TTL: variants seen among roughly 807,000 people sequenced by gnomAD.
The protein encoded by TTL is tubulin tyrosine ligase.
In TTL, 10 loss-of-function variants were observed where a neutral mutation model predicts 41.1. That is an observed-to-expected ratio of 0.24 (90% confidence interval 0.15 to 0.41). The LOEUF (loss-of-function observed/expected upper bound fraction) is 0.41, where lower values mean the gene tolerates loss of function less well. TTL is among the 10% of genes least tolerant of loss of function. The pLI is 1.00. For synonymous variants in TTL, 175 were observed against 175.5 expected (o/e 1.00, Z 0.02); for missense variants, 367 against 460.4 (o/e 0.80, Z 1.86).
intron 2 of TTL, among the ~76,000 whole-genome samples, chr2:112,490,001 T>A (rs983395218): frequency 2.6e-5 from 4 of 152,258 alleles, no homozygotes; most frequent in Non-Finnish European, 2.9e-5. Flanking sequence ...CAGTGAATAC[T>A]GGCAGAGAAC....
chr2:112,491,573 C>T (rs758287024), intron 2 of TTL, among the ~76,000 whole-genome samples: 13 of 152,226 alleles, frequency 8.5e-5, no homozygotes, highest in Non-Finnish European at 1.5e-4. Flanking sequence ...TTTAAAACTA[C>T]ATTTGCATCT....
intron 2 of TTL, among the ~76,000 whole-genome samples, chr2:112,487,261 T>G (rs565965140): frequency 6.6e-6 from 1 of 152,176 alleles, no homozygotes; most frequent in South Asian, 2.1e-4. Context: ...GTAACTTATG[T>G]ACCCACTCCT....
Position 112,482,650 on chromosome 2 carries a change from T to C in TTL, c.157+149T>C. On this transcript the variant is annotated intron_variant, in intron 1 of 6. Coordinates refer to ENST00000233336, the MANE Select transcript of TTL (RefSeq NM_153712.5). This position sits in a 1 kb window ranked among gnomAD's most constrained non-coding sequence, Gnocchi z 5.3. ...CACATCAGAAACGGATTCGGAAAGA[T>C]CGAAACCTGTCGTTTTTAATGCTTT... is the stretch of plus-strand genomic sequence containing the variant. The C allele has an allele frequency of 2.2e-6, 2 of 902,988 alleles. No homozygotes were observed. Among genetic ancestry groups the C allele is most frequent in the South Asian group, 2.1e-5 (1 of 48,770 alleles). 55.9% of individuals were successfully genotyped at this position (902,988 alleles called of 1,614,324 possible). A position where few individuals can be genotyped will look rare whatever the true frequency, so the allele number is the denominator to read the frequency against.
chr2:112,487,454 A>G (rs1055469848), intron 2 of TTL, among the ~76,000 whole-genome samples: 1 of 152,248 alleles, frequency 6.6e-6, no homozygotes, highest in African/African-American at 2.4e-5. Flanking sequence ...AATATTTATT[A>G]AACCTCTTCT....
At chr2:112,492,482 G>A (rs6742382) in intron 2 of TTL, among the ~76,000 whole-genome samples, 1 of 152,100 alleles carries the variant, frequency 6.6e-6, no homozygotes, top group African/African-American at 2.4e-5. Flanking sequence ...TGTAATCCCA[G>A]CACTTTGGGA....
intron 6 of TTL, among the ~76,000 whole-genome samples, chr2:112,527,344 C>CTGA (rs1345717668): frequency 1.3e-5 from 2 of 152,140 alleles, no homozygotes; most frequent in Non-Finnish European, 2.9e-5. Flanking sequence ...TGGTGCAGAG[C>CTGA]TGAGTTCAAT....
Position 112,482,186 on chromosome 2 carries a change from GGGCGCGGCGCCGCCGGCACCCGAGA to G in TTL, c.-151_-127del, listed in dbSNP as rs1414470485. On this transcript the variant is annotated 5_prime_UTR_variant, in exon 1 of 7. Transcript: ENST00000233336. This position sits in a 1 kb window ranked among gnomAD's most constrained non-coding sequence, Gnocchi z 5.3. ...CCTCTCCGGCACCCGGCGGGCGCCC[GGGCGCGGCGCCGCCGGCACCCGAGA>G]GGCGCGGTAGCCGGCGCGGGCGGCG... 4 of 234,836 alleles carry G rather than the reference GGGCGCGGCGCCGCCGGCACCCGAGA, an allele frequency of 1.7e-5. No individual in the cohort carries two copies. Among genetic ancestry groups the G allele is most frequent in the African/African-American group, 2.4e-5 (1 of 41,964 alleles). The allele number at this position is 234,836 out of a possible 1,614,324, so 14.5% of individuals were successfully genotyped here.
rs1331133850 is a variant in TTL, at chr2:112,520,274, C to T, written c.876-8C>T. ...GTTCTAATGAGCATTTCCCCTCCTG[C>T]CTCATAGGAACTGCCTCCTGAGCGT... On this transcript the variant is annotated splice_region_variant and splice_polypyrimidine_tract_variant and intron_variant, in intron 5 of 6. Coordinates refer to ENST00000233336, the MANE Select transcript of TTL (RefSeq NM_153712.5). 4.3e-6 allele frequency: 7 copies of T among 1,613,822 alleles called. No homozygotes were observed. In the South Asian group the frequency reaches 7.7e-5, roughly 18 times the overall value.
chr2:112,529,108 G>A lies in TTL; in HGVS notation c.*313G>A. The A allele has an allele frequency of 4.5e-6, 2 of 440,992 alleles. No individual in the cohort carries two copies. Among genetic ancestry groups the A allele is most frequent in the Non-Finnish European group, 8.4e-6 (2 of 239,002 alleles). The allele number at this position is 440,992 out of a possible 1,614,324, so 27.3% of individuals were successfully genotyped here. A position where few individuals can be genotyped will look rare whatever the true frequency, so the allele number is the denominator to read the frequency against. On this transcript the variant is annotated 3_prime_UTR_variant, in exon 7 of 7. Transcript: ENST00000233336. ...CAGGGCACTGGGACCTCTGGTCGGT[G>A]CCTCCCACCCACTGCAGCCCTAGTG... is the stretch of plus-strand genomic sequence containing the variant.
chr2:112,498,585 T>G (rs1401697728), intron 3 of TTL, among the ~76,000 whole-genome samples: 1 of 152,136 alleles, frequency 6.6e-6, no homozygotes, highest in Non-Finnish European at 1.5e-5. Flanking sequence ...AACATTTTTG[T>G]ATAGACATGG....
intron 6 of TTL, among the ~76,000 whole-genome samples, chr2:112,521,787 T>C (rs1442906807): frequency 1.3e-5 from 2 of 152,150 alleles, no homozygotes; most frequent in Non-Finnish European, 2.9e-5. Flanking sequence ...CAGATGTCAA[T>C]TACAAGCGAG....
intron 3 of TTL, among the ~76,000 whole-genome samples, chr2:112,494,871 A>C (rs1574057418): frequency 6.6e-6 from 1 of 150,988 alleles, no homozygotes; most frequent in Non-Finnish European, 1.5e-5. Flanking sequence ...CTAAATCAAA[A>C]CCCCCATTCT....
rs776570642 is a variant in TTL at position 112,533,084 on chromosome 2, A to C, written c.*4289A>C. The C allele has an allele frequency of 2.0e-5, 3 of 152,264 alleles. No homozygotes were observed. Among genetic ancestry groups the C allele is most frequent in the Non-Finnish European group, 2.9e-5 (2 of 68,052 alleles). 9.4% of individuals were successfully genotyped at this position (152,264 alleles called of 1,614,324 possible). ...TTAACTTGTAACTTCTTGTGCAATA[A>C]GGCTGAATGCTTTGGACATCTTTCC... On this transcript the variant is annotated 3_prime_UTR_variant, in exon 7 of 7. Coordinates refer to ENST00000233336, the MANE Select transcript of TTL (RefSeq NM_153712.5).
intron 5 of TTL, among the ~76,000 whole-genome samples, chr2:112,519,070 G>A (rs1046994272): frequency 1.3e-5 from 2 of 151,998 alleles, no homozygotes; most frequent in Non-Finnish European, 2.9e-5. Context: ...TATTTACTGA[G>A]AGAAATATTT....
Position 112,531,760 on chromosome 2 carries a change from G to C in TTL, c.*2965G>C, listed in dbSNP as rs1156366301. On this transcript the variant is annotated 3_prime_UTR_variant, in exon 7 of 7. Coordinates refer to ENST00000233336, the MANE Select transcript of TTL (RefSeq NM_153712.5). ...CCGGATGTTGCCGTATGTATTTATG[G>C]CACAAGCAGGTGTTGTCTAAGCAGT... 1 of 223,524 alleles carries C rather than the reference G, an allele frequency of 4.5e-6. No homozygotes were observed. The highest frequency in any genetic ancestry group is 6.5e-5 in the East Asian group (1 of 15,284). 13.8% of individuals were successfully genotyped at this position (223,524 alleles called of 1,614,324 possible). A position where few individuals can be genotyped will look rare whatever the true frequency, so the allele number is the denominator to read the frequency against.
intron 6 of TTL, 22 bp from the exon 7 acceptor site, chr2:112,528,659 T>C: frequency 6.3e-7 from 1 of 1,589,118 alleles, no homozygotes; most frequent in South Asian, 1.1e-5. Context: ...TCCTCAATGA[T>C]ATTTTTAAAA....
chr2:112,520,191 C>A, intron 5 of TTL, 91 bp from the exon 6 acceptor site: 10 of 1,239,082 alleles, frequency 8.1e-6, no homozygotes, highest in Non-Finnish European at 8.0e-6. Context: ...TATTTGTATT[C>A]ATCTCATATA....
chr2:112,501,281 T>C lies in TTL; in HGVS notation c.545T>C (p.Ile182Thr). Residue 182 changes from isoleucine to threonine, a missense_variant, in exon 4 of 7, where the codon ATC (isoleucine) becomes ACC (threonine). Ile to Thr is a moderately conservative substitution (Grantham distance 89). Transcript: ENST00000233336. ...FIDNQGQVHV[I>T]QKYLEHPLLL... ...GACAACCAGGGCCAAGTGCACGTGA[T>C]CCAGAAATATCTTGAGCACCCTCTG... The C allele has an allele frequency of 6.2e-7, 1 of 1,613,662 alleles. No individual in the cohort carries two copies. Among genetic ancestry groups the C allele is most frequent in the South Asian group, 1.1e-5 (1 of 91,050 alleles).
Position 112,512,961 on chromosome 2 carries a change from T to C in TTL, c.876-7321T>C, listed in dbSNP as rs563771795. On this transcript the variant is annotated intron_variant, in intron 5 of 6. Transcript: ENST00000233336. ...CGCTATGTCTTCTTTTATTTTTTTT[T>C]AGTGCTTTTTTTTTTAGTGCTTGCT... Among the ~76,000 whole-genome samples the C allele has an allele frequency of 2.0e-5, 3 of 152,060 alleles. No individual in the cohort carries two copies. The South Asian group carries it at 6.2e-4, about 31-fold the overall frequency.
Sources: gnomAD v4.1 joint callset for allele counts (sites outside exome capture counted in the v4.1 genomes callset) on GRCh38, gnomAD v4.1.1 for gene constraint, Gnocchi (gnomAD v3.1) non-coding constraint, MANE v1.5 for transcripts, NCBI Gene and HGNC (gene_info 2026-07-23, HGNC 2026-07-21) for gene names.